The following EYA1 variants were observed in gnomAD, a reference collection of about 807,000 sequenced individuals.
The protein encoded by EYA1 is protein phosphatase EYA1.
In EYA1, 16 loss-of-function variants were observed where a neutral mutation model predicts 82.0. That is an observed-to-expected ratio of 0.20 (90% confidence interval 0.13 to 0.30). EYA1 has a LOEUF of 0.30. Ranked by LOEUF, EYA1 falls within the 10% of genes least tolerant of loss-of-function variation. The probability of loss-of-function intolerance (pLI) is 1.00; values close to 1 mark genes in which losing one functional copy is unlikely to be tolerated. For synonymous variants in EYA1, 261 were observed against 264.4 expected, an observed-to-expected ratio of 0.99 and a Z score of 0.12; for missense variants, 633 against 730.7, an observed-to-expected ratio of 0.87 and a Z score of 1.54.
At chr8:71,475,183 G>A (rs531196859) in intron 2 of EYA1, among the ~76,000 whole-genome samples, 1 of 152,128 alleles carries the variant, frequency 6.6e-6, no homozygotes, top group Non-Finnish European at 1.5e-5. Flanking sequence ...TGTTAACATG[G>A]AACTAGCAAG....
At chr8:71,361,434 A>T (rs1210531834) in intron 1 of EYA1, among the ~76,000 whole-genome samples, 4 of 152,246 alleles carry the variant, frequency 2.6e-5, no homozygotes, top group African/African-American at 9.6e-5. Context: ...CTGATCGCTC[A>T]TAATTTGGAG....
intron 2 of EYA1, among the ~76,000 whole-genome samples, chr8:71,390,207 A>T (rs1288929356): frequency 3.3e-5 from 5 of 151,744 alleles, no homozygotes; most frequent in Non-Finnish European, 7.4e-5. Flanking sequence ...TGCTAATCAA[A>T]TTCTCTTAAA....
chr8:71,519,936 A>G (rs1405433813), intron 2 of EYA1, among the ~76,000 whole-genome samples: 2 of 152,234 alleles, frequency 1.3e-5, no homozygotes, highest in Non-Finnish European at 1.5e-5. Context: ...GAAGAAATAA[A>G]TGGTGATAAA....
chr8:71,294,527 A>G (rs940239742), intron 9 of EYA1, among the ~76,000 whole-genome samples: 3 of 152,080 alleles, frequency 2.0e-5, no homozygotes, highest in African/African-American at 7.2e-5. Context: ...GAGAGAGAGA[A>G]AGAGGTGTAA....
intron 12 of EYA1, among the ~76,000 whole-genome samples, chr8:71,232,238 A>G (rs78188730): frequency 0.013 from 2,042 of 152,330 alleles, 42 homozygotes; most frequent in African/African-American, 0.047. Context: ...AGTTTCCCAA[A>G]GGACTGCTGC....
chr8:71,205,887 T>G (rs1019878577), intron 17 of EYA1, among the ~76,000 whole-genome samples: 9 of 152,212 alleles, frequency 5.9e-5, no homozygotes, highest in African/African-American at 2.2e-4. Flanking sequence ...AGAGACAAGC[T>G]AAATAGTTAA....
intron 7 of EYA1, among the ~76,000 whole-genome samples, chr8:71,310,099 T>C (rs918849093): frequency 2.6e-5 from 4 of 152,170 alleles, no homozygotes; most frequent in African/African-American, 9.7e-5. Flanking sequence ...TATACCATTA[T>C]TGATATTCTG....
rs1021483963 is a variant in EYA1 at position 71,215,796 on chromosome 8, T to C, written c.1361-68A>G. ...ATATTTCTTCGGCTTTGCAAGTAATTAACATTTAAAAAGTACTATGAATAC... is the reference window on the plus strand; with the variant it reads ...ATATTTCTTCGGCTTTGCAAGTAATCAACATTTAAAAAGTACTATGAATAC... On this transcript the variant is annotated intron_variant, in intron 14 of 17. Coordinates refer to ENST00000340726, the MANE Select transcript of EYA1 (RefSeq NM_000503.6). The C allele has an allele frequency of 4.7e-6, 5 of 1,067,110 alleles. No homozygotes were observed. The African/African-American group carries it at 7.8e-5, about 17-fold the overall frequency. The allele number at this position is 1,067,110 out of a possible 1,614,324, so 66.1% of individuals were successfully genotyped here.
chr8:71,418,058 G>A (rs1325706245), intron 2 of EYA1, among the ~76,000 whole-genome samples: 1 of 152,132 alleles, frequency 6.6e-6, no homozygotes, highest in Non-Finnish European at 1.5e-5. Context: ...CTACTAAGTA[G>A]CCTTTTAGTG....
chr8:71,424,589 G>C (rs539784699), intron 2 of EYA1, among the ~76,000 whole-genome samples: 6 of 152,196 alleles, frequency 3.9e-5, no homozygotes, highest in Non-Finnish European at 7.3e-5. Context: ...TTCTGACTGG[G>C]AACAGTAATT....
chr8:71,321,601 C>T, intron 6 of EYA1, 133 bp downstream of exon 6: 2 of 1,163,352 alleles, frequency 1.7e-6, no homozygotes, highest in Non-Finnish European at 2.4e-6. Context: ...AACAATCATA[C>T]TAAGAATTTA....
At chr8:71,246,932 C>A (rs1813169347) in intron 11 of EYA1, among the ~76,000 whole-genome samples, 2 of 151,564 alleles carry the variant, frequency 1.3e-5, no homozygotes, top group African/African-American at 4.9e-5. Context: ...GCACTCCCCA[C>A]CCTCTTGGCA....
rs867365673 is a variant in EYA1, at chr8:71,210,312, C to T, written c.1698+844G>A. 9.2e-5 allele frequency among the ~76,000 whole-genome samples: 14 copies of T among 152,166 alleles called. No individual in the cohort carries two copies. The South Asian group carries it at 1.0e-3, about 11-fold the overall frequency. On this transcript the variant is annotated intron_variant, in intron 17 of 17. Transcript: ENST00000340726. ...ATTTTGCAAATGAATAAGACAATGACGGAATGGTATTAGGGAAAAGATTCC... is the reference window on the plus strand; with the variant it reads ...ATTTTGCAAATGAATAAGACAATGATGGAATGGTATTAGGGAAAAGATTCC...
At chr8:71,514,772 G>A (rs559957375) in intron 2 of EYA1, among the ~76,000 whole-genome samples, 2 of 152,244 alleles carry the variant, frequency 1.3e-5, no homozygotes, top group East Asian at 1.9e-4. Flanking sequence ...TTCAAGTTGC[G>A]ATTTGGGTGG....
chr8:71,268,205 G>T (rs1041357638), intron 11 of EYA1, among the ~76,000 whole-genome samples: 1 of 152,126 alleles, frequency 6.6e-6, no homozygotes, highest in African/African-American at 2.4e-5. Context: ...GGCCCTTAGC[G>T]AGAGCTTATA....
At chr8:71,268,669 G>A (rs1816156905) in intron 11 of EYA1, among the ~76,000 whole-genome samples, 1 of 152,104 alleles carries the variant, frequency 6.6e-6, no homozygotes, top group African/African-American at 2.4e-5. Flanking sequence ...TTAAAATGGT[G>A]GGATATTATT....
chr8:71,489,902 A>G (rs1810870569), intron 2 of EYA1, among the ~76,000 whole-genome samples: 1 of 152,166 alleles, frequency 6.6e-6, no homozygotes, highest in African/African-American at 2.4e-5. Flanking sequence ...CAGCTTTGTG[A>G]GTTAGGAGTG....
At chr8:71,453,293 A>T (rs1296423673) in intron 2 of EYA1, among the ~76,000 whole-genome samples, 1 of 152,240 alleles carries the variant, frequency 6.6e-6, no homozygotes, top group Non-Finnish European at 1.5e-5. Flanking sequence ...TCTACGTCTA[A>T]TTGGTGAGCC....
At chr8:71,256,058 A>G (rs750763329) in intron 11 of EYA1, among the ~76,000 whole-genome samples, 15 of 152,194 alleles carry the variant, frequency 9.9e-5, no homozygotes, top group African/African-American at 3.4e-4. Context: ...ACAGAAAATA[A>G]TAAGTGTTGA....
Sources: allele counts gnomAD v4.1 joint callset (sites outside exome capture counted in the v4.1 genomes callset), GRCh38; gene constraint gnomAD v4.1.1; transcripts MANE v1.5; gene names NCBI Gene and HGNC (gene_info 2026-07-23, HGNC 2026-07-21).